The following PSIP1 variants were observed in gnomAD, a reference collection of about 807,000 sequenced individuals.
PSIP1 encodes PC4 and SRSF1 interacting protein 1.
A neutral mutation model predicts 74.7 loss-of-function variants in PSIP1; 19 were observed. That is an observed-to-expected ratio of 0.25 (90% confidence interval 0.18 to 0.37). The LOEUF is 0.37. PSIP1 is among the 10% of genes least tolerant of loss of function. The pLI is 1.00. For synonymous variants in PSIP1, 222 were observed against 195.3 expected (o/e 1.14, Z -1.14); for missense variants, 601 against 614.3 (o/e 0.98, Z 0.23).
intron 8 of PSIP1, among the ~76,000 whole-genome samples, chr9:15,476,622 A>G (rs2036092890): frequency 6.6e-6 from 1 of 152,230 alleles, no homozygotes; most frequent in Non-Finnish European, 1.5e-5. Context: ...AATCCTTCAG[A>G]TGGACAAATG....
chr9:15,471,774 G>A, intron 10 of PSIP1: 1 of 953,376 alleles, frequency 1.0e-6, no homozygotes. Flanking sequence ...AAGAAAAAAA[G>A]TACAAAATTG....
Position 15,488,475 on chromosome 9 carries a change from C to T in PSIP1, c.288+1511G>A, listed in dbSNP as rs77951855. Reference sequence around the variant, plus strand: ...CGTTTATTGATGAAAGAGAAACTGTCCCAATTATCTTCATAAAGACCTCTC... The same window carrying T: ...CGTTTATTGATGAAAGAGAAACTGTTCCAATTATCTTCATAAAGACCTCTC... On this transcript the variant is annotated intron_variant, in intron 4 of 15. Coordinates refer to ENST00000380733, the MANE Select transcript of PSIP1 (RefSeq NM_033222.5). Among the ~76,000 whole-genome samples, 1,521 of 152,276 alleles carry T rather than the reference C, an allele frequency of 1.0e-2. 20 individuals carry two copies. Among genetic ancestry groups the T allele is most frequent in the African/African-American group, 0.035 (1,442 of 41,552 alleles).
chr9:15,493,492 G>A (rs951115160), intron 3 of PSIP1, among the ~76,000 whole-genome samples: 14 of 152,120 alleles, frequency 9.2e-5, no homozygotes, highest in South Asian at 8.3e-4. Context: ...TTCCAAAGTC[G>A]CTTCCACGTT....
At chr9:15,494,994 A>T (rs1161307377) in intron 3 of PSIP1, among the ~76,000 whole-genome samples, 1 of 152,188 alleles carries the variant, frequency 6.6e-6, no homozygotes, top group Non-Finnish European at 1.5e-5. Flanking sequence ...CTCCTGAAAA[A>T]CCAGAAAAAC....
intron 4 of PSIP1, chr9:15,489,259 T>G (rs1401552648): frequency 6.6e-6 from 1 of 152,118 alleles, no homozygotes; most frequent in Non-Finnish European, 1.5e-5. Context: ...GTAAGTACAT[T>G]TGTCACATAC....
chr9:15,494,718 T>C (rs571660286), intron 3 of PSIP1, among the ~76,000 whole-genome samples: 1 of 152,290 alleles, frequency 6.6e-6, no homozygotes, highest in South Asian at 2.1e-4. Context: ...AATATTATTA[T>C]GCTAGGATTA....
intron 3 of PSIP1, among the ~76,000 whole-genome samples, chr9:15,503,675 T>C (rs1216521296): frequency 5.3e-5 from 8 of 151,552 alleles, no homozygotes; most frequent in Non-Finnish European, 1.0e-4. Flanking sequence ...AAAAAAAAAC[T>C]TCAAATAACT....
At chr9:15,496,835 CATT>C (rs1418560973) in intron 3 of PSIP1, among the ~76,000 whole-genome samples, 17 of 152,208 alleles carry the variant, frequency 1.1e-4, no homozygotes, top group African/African-American at 3.6e-4. Flanking sequence ...AATTCAACAT[CATT>C]AAGTTATCCA....
At chr9:15,500,138 T>C (rs1335735747) in intron 3 of PSIP1, among the ~76,000 whole-genome samples, 1 of 152,178 alleles carries the variant, frequency 6.6e-6, no homozygotes, top group Non-Finnish European at 1.5e-5. Context: ...CAACTGAATA[T>C]GCACGCACTA....
intron 4 of PSIP1, among the ~76,000 whole-genome samples, chr9:15,489,635 T>C (rs1279057254): frequency 6.7e-6 from 1 of 149,250 alleles, no homozygotes; most frequent in Non-Finnish European, 1.5e-5. Context: ...AAAAGAAATT[T>C]AATTAATTAA....
intron 2 of PSIP1, 58 bp downstream of exon 2, chr9:15,510,059 A>C (rs368076672): frequency 9.3e-5 from 138 of 1,478,876 alleles, no homozygotes; most frequent in Non-Finnish European, 1.3e-4. Context: ...CACGGTGGGC[A>C]GCAGGCCTCT....
chr9:15,504,958 CTTTTTTTTTTTT>C (rs761643860), intron 3 of PSIP1: 4 of 126,384 alleles, frequency 3.2e-5, no homozygotes, highest in African/African-American at 9.1e-5. Context: ...GGCCTAAGAA[CTTTTTTTTTTTT>C]TTTTTTTTTG....
At chr9:15,497,708 G>T (rs146395186) in intron 3 of PSIP1, among the ~76,000 whole-genome samples, 1 of 152,096 alleles carries the variant, frequency 6.6e-6, no homozygotes, top group African/African-American at 2.4e-5. Flanking sequence ...AGATTGGGTA[G>T]AAATGGAAAG....
chr9:15,492,466 C>T (rs1167937839), intron 3 of PSIP1, among the ~76,000 whole-genome samples: 1 of 152,122 alleles, frequency 6.6e-6, no homozygotes, highest in African/African-American at 2.4e-5. Flanking sequence ...AAGCTCTGCC[C>T]CTATGGTTTT....
At chr9:15,492,679 G>T (rs766260205) in intron 3 of PSIP1, among the ~76,000 whole-genome samples, 1 of 152,192 alleles carries the variant, frequency 6.6e-6, no homozygotes, top group Non-Finnish European at 1.5e-5. Context: ...GGTTCTCCAC[G>T]AAGTCTTCGT....
In PSIP1 at chr9:15,490,091, G is replaced by A; in HGVS notation, c.183C>T (p.Tyr61=). The change falls in exon 4 of 16, where the codon TAC becomes TAT. Residue 61 remains tyrosine, a synonymous_variant. Coordinates refer to ENST00000380733, the MANE Select transcript of PSIP1 (RefSeq NM_033222.5). ...TGCCATACTTTTCCTTATTTTCTGA[G>A]TAAGGAAATATATCCTTTGGTCCTA... is the stretch of plus-strand genomic sequence containing the variant. The part of the protein sequence containing the change: ...AFLGPKDIFP[Y]SENKEKYGKP... The A allele has an allele frequency of 6.2e-7, 1 of 1,602,958 alleles. No individual in the cohort carries two copies. Among genetic ancestry groups the A allele is most frequent in the Non-Finnish European group, 8.5e-7 (1 of 1,175,102 alleles).
At chr9:15,479,043 C>T (rs2036223330) in intron 7 of PSIP1, among the ~76,000 whole-genome samples, 1 of 151,880 alleles carries the variant, frequency 6.6e-6, no homozygotes, top group African/African-American at 2.4e-5. Context: ...ATCTTACCCC[C>T]CATTTTCAGT....
At chr9:15,508,405 A>C (rs1047922022) in intron 2 of PSIP1, among the ~76,000 whole-genome samples, 3 of 152,240 alleles carry the variant, frequency 2.0e-5, no homozygotes, top group African/African-American at 7.2e-5. Context: ...CTTCCCTTCC[A>C]ATCCAAATGA....
chr9:15,466,815 G>A lies in PSIP1; in HGVS notation c.1465C>T (p.Gln489Ter). 1 of 1,613,376 alleles carries A rather than the reference G, an allele frequency of 6.2e-7. No homozygotes were observed. ...TTGCTCTCCCCGTTATGTTGTGGCTGATTACCATCTTGAGCATCAGATCCT... is the reference window on the plus strand; with the variant it reads ...TTGCTCTCCCCGTTATGTTGTGGCTAATTACCATCTTGAGCATCAGATCCT... ...NGGSDAQDGN[Q>*]PQHNGESNED... is the part of the protein sequence containing the mutation. Residue 489 changes from glutamine to a stop codon, truncating the protein, a stop_gained, in exon 15 of 16, where the codon CAG becomes TAG. Coordinates refer to ENST00000380733, the MANE Select transcript of PSIP1 (RefSeq NM_033222.5). LOFTEE classifies it high-confidence loss of function.
Sources: gnomAD v4.1 joint callset for allele counts (sites outside exome capture counted in the v4.1 genomes callset) on GRCh38, gnomAD v4.1.1 for gene constraint, MANE v1.5 for transcripts, NCBI Gene and HGNC (gene_info 2026-07-23, HGNC 2026-07-21) for gene names.